FOCAD: variants seen among roughly 807,000 people sequenced by gnomAD.
FOCAD encodes the protein KIAA1797.
In FOCAD, 198 loss-of-function variants were observed where a neutral mutation model predicts 225.6. That is an observed-to-expected ratio of 0.88 (90% CI 0.78 to 0.99). The LOEUF is 0.99. FOCAD is among the 50% of genes least tolerant of loss of function. The probability of loss-of-function intolerance (pLI) is 0.00; values close to 1 mark genes in which losing one functional copy is unlikely to be tolerated. For synonymous variants in FOCAD, 897 were observed against 755.0 expected (o/e 1.19, Z -3.08); for missense variants, 2,713 against 2,123.6 (o/e 1.28, Z -5.46).
intron 28 of FOCAD, among the ~76,000 whole-genome samples, chr9:20,936,573 A>G (rs1371762180): frequency 6.6e-6 from 1 of 152,136 alleles, no homozygotes; most frequent in Non-Finnish European, 1.5e-5. Flanking sequence ...TCACGCCTGT[A>G]ATCCCAGGAC....
intron 22 of FOCAD, 152 bp from the exon 23 acceptor site, chr9:20,912,714 A>G (rs1278153395): frequency 2.4e-5 from 14 of 576,320 alleles, no homozygotes; most frequent in Non-Finnish European, 4.0e-5. Context: ...TGATGTGATG[A>G]TTTCTCCTCA....
At chr9:20,703,281 G>A (rs1824116932) in intron 1 of FOCAD, among the ~76,000 whole-genome samples, 1 of 152,102 alleles carries the variant, frequency 6.6e-6, no homozygotes, top group African/African-American at 2.4e-5. Context: ...ACTTGAGGCT[G>A]AGGGGCCTGA....
intron 15 of FOCAD, among the ~76,000 whole-genome samples, chr9:20,854,969 C>G (rs1233490426): frequency 6.6e-6 from 1 of 151,678 alleles, no homozygotes; most frequent in Non-Finnish European, 1.5e-5. Context: ...CTAATTTTCA[C>G]AGAATTAAAT....
intron 20 of FOCAD, among the ~76,000 whole-genome samples, chr9:20,884,161 A>G (rs1830908639): frequency 6.6e-6 from 1 of 152,208 alleles, no homozygotes. Flanking sequence ...CTAGAACTAA[A>G]CAGTTCACAA....
At chr9:20,729,206 G>T (rs1378727354) in intron 4 of FOCAD, among the ~76,000 whole-genome samples, 2 of 152,154 alleles carry the variant, frequency 1.3e-5, no homozygotes, top group Non-Finnish European at 2.9e-5. Flanking sequence ...CAAAAACCAA[G>T]GTGTCAGCAG....
intron 2 of FOCAD, among the ~76,000 whole-genome samples, chr9:20,662,233 C>G (rs1821750044): frequency 6.6e-6 from 1 of 151,628 alleles, no homozygotes; most frequent in Non-Finnish European, 1.5e-5. Flanking sequence ...TAATTACAAG[C>G]TACATTGTGA....
rs1835290733 is a variant in FOCAD at position 20,929,739 on chromosome 9, A to G, written c.3317+143A>G. The G allele has an allele frequency of 2.9e-5, 19 of 646,070 alleles. No individual in the cohort carries two copies. In the South Asian group the frequency reaches 3.3e-4, roughly 11 times the overall value. The allele number at this position is 646,070 out of a possible 1,614,324, so 40.0% of individuals were successfully genotyped here. A position where few individuals can be genotyped will look rare whatever the true frequency, so the allele number is the denominator to read the frequency against. On this transcript the variant is annotated intron_variant, in intron 27 of 43. Transcript: ENST00000338382. ...TCTGAGATGGGCAAGTTGATCCTTT[A>G]TTCTTCTTTAGGAGTAAATTTATCT... is the stretch of plus-strand genomic sequence containing the variant.
intron 1 of FOCAD, among the ~76,000 whole-genome samples, chr9:20,696,926 T>A (rs1823420173): frequency 6.6e-6 from 1 of 152,152 alleles, no homozygotes; most frequent in Non-Finnish European, 1.5e-5. Flanking sequence ...AATGTAAAAG[T>A]CGGTCCTCTC....
At chr9:20,980,216 G>C (rs932283340) in intron 37 of FOCAD, among the ~76,000 whole-genome samples, 1 of 151,814 alleles carries the variant, frequency 6.6e-6, no homozygotes, top group African/African-American at 2.4e-5. Flanking sequence ...CTTGTTTCAT[G>C]TCTGAGAGAT....
chr9:20,656,628 T>C (rs1821484454), upstream of FOCAD, among the ~76,000 whole-genome samples: 1 of 152,028 alleles, frequency 6.6e-6, no homozygotes, highest in Non-Finnish European at 1.5e-5. Context: ...TCCATTTGCT[T>C]GGTAGAGCTT....
chr9:20,770,994 C>T (rs530291897), intron 8 of FOCAD, among the ~76,000 whole-genome samples: 159 of 151,870 alleles, frequency 1.0e-3, no homozygotes, highest in African/African-American at 3.7e-3. Context: ...AATTATAGTA[C>T]AATAAGAGAA....
chr9:20,724,638 A>G (rs140184423), intron 4 of FOCAD, among the ~76,000 whole-genome samples: 1,800 of 152,258 alleles, frequency 0.012, 22 homozygotes, highest in South Asian at 0.031. Context: ...TTTTTATGTC[A>G]GAAAACGTAA....
At chr9:20,892,289 T>G (rs1267439567) in intron 21 of FOCAD, among the ~76,000 whole-genome samples, 2 of 152,178 alleles carry the variant, frequency 1.3e-5, no homozygotes, top group East Asian at 3.9e-4. Context: ...TCAAGTCTTA[T>G]TTGAGAAATG....
intron 24 of FOCAD, among the ~76,000 whole-genome samples, chr9:20,921,342 G>C (rs183918952): frequency 6.6e-6 from 1 of 152,160 alleles, no homozygotes; most frequent in African/African-American, 2.4e-5. Context: ...AACGTCGGTG[G>C]TGTTGCCTAG....
chr9:20,709,116 G>A (rs1484509383), intron 1 of FOCAD, among the ~76,000 whole-genome samples: 2 of 152,138 alleles, frequency 1.3e-5, no homozygotes, highest in African/African-American at 4.8e-5. Flanking sequence ...TTTTATTAGT[G>A]CAATTGATAG....
intron 6 of FOCAD, among the ~76,000 whole-genome samples, chr9:20,764,264 C>CT (rs1284748922): frequency 6.6e-6 from 1 of 151,762 alleles, no homozygotes; most frequent in Non-Finnish European, 1.5e-5. Flanking sequence ...TCAGGTGATC[C>CT]TTTTTTTTAA....
intron 4 of FOCAD, among the ~76,000 whole-genome samples, chr9:20,730,245 A>T (rs1047912714): frequency 2.6e-5 from 4 of 152,136 alleles, no homozygotes; most frequent in Non-Finnish European, 5.9e-5. Flanking sequence ...CCATTAATTC[A>T]TTAGGGATTT....
chr9:20,689,301 T>C (rs1822840516), intron 1 of FOCAD, among the ~76,000 whole-genome samples: 1 of 152,142 alleles, frequency 6.6e-6, no homozygotes, highest in South Asian at 2.1e-4. Flanking sequence ...TTCGATGAAT[T>C]GCTCACCCAG....
intron 4 of FOCAD, among the ~76,000 whole-genome samples, chr9:20,726,006 A>C (rs2131580532): frequency 6.6e-6 from 1 of 152,330 alleles, no homozygotes; most frequent in African/African-American, 2.4e-5. Context: ...GGGAGGGTGA[A>C]GGAAAGAAGG....
Sources: allele counts gnomAD v4.1 joint callset (sites outside exome capture counted in the v4.1 genomes callset), GRCh38; gene constraint gnomAD v4.1.1; transcripts MANE v1.5; gene names NCBI Gene and HGNC (gene_info 2026-07-23, HGNC 2026-07-21).